Variants in AGPAT3 observed in about 807,000 individuals in gnomAD.
AGPAT3 encodes the protein 1-acylglycerol-3-phosphate O-acyltransferase 3.
In AGPAT3, 5 loss-of-function variants were observed where a neutral mutation model predicts 47.3. The ratio of observed to expected loss-of-function variants is 0.11; its 90% CI spans 0.06 to 0.22. The LOEUF (loss-of-function observed/expected upper bound fraction) is 0.22. Ranked by LOEUF, AGPAT3 falls within the 10% of genes least tolerant of loss-of-function variation. The pLI is 1.00. For synonymous variants in AGPAT3, 212 were observed against 208.3 expected, an observed-to-expected ratio of 1.02 and a Z score of -0.15; for missense variants, 315 against 493.0, an observed-to-expected ratio of 0.64 and a Z score of 3.42.
chr21:43,963,763 A>G lies in AGPAT3; in HGVS notation c.178+3904A>G, dbSNP rs79607206. ...AAGTCTTCGAATCCCCGGAGAGGAA[A>G]GCTGGAGAACCACGCTGGATGGTCA... On this transcript the variant is annotated intron_variant, in intron 3 of 9. Coordinates refer to ENST00000291572, the MANE Select transcript of AGPAT3 (RefSeq NM_020132.5). Among the ~76,000 whole-genome samples the G allele has an allele frequency of 5.5e-3, 838 of 151,792 alleles. 9 individuals are homozygous for G. Among genetic ancestry groups the G allele is most frequent in the African/African-American group, 0.019 (785 of 41,328 alleles).
chr21:43,949,314 A>G (rs1333059619), intron 2 of AGPAT3, among the ~76,000 whole-genome samples: 4 of 152,194 alleles, frequency 2.6e-5, no homozygotes, highest in Non-Finnish European at 2.9e-5. Context: ...GCTCAGCAAC[A>G]TGGTTCTTCT....
intron 1 of AGPAT3, among the ~76,000 whole-genome samples, chr21:43,881,657 T>G (rs994524392): frequency 1.1e-4 from 17 of 152,200 alleles, no homozygotes; most frequent in African/African-American, 3.9e-4. Context: ...ATAAAATGTA[T>G]TATTAATTTT....
chr21:43,893,115 T>C (rs2086136131), intron 1 of AGPAT3, among the ~76,000 whole-genome samples: 1 of 152,150 alleles, frequency 6.6e-6, no homozygotes, highest in African/African-American at 2.4e-5. Context: ...AGAAAATCTA[T>C]TGTTGAGTGT....
chr21:43,902,253 A>G (rs2086374243), intron 1 of AGPAT3, among the ~76,000 whole-genome samples: 1 of 152,246 alleles, frequency 6.6e-6, no homozygotes, highest in Admixed American at 6.5e-5. Flanking sequence ...CCTTTCAAAT[A>G]TCGAAAGACA....
At chr21:43,976,878 C>T (rs1207323318) in intron 7 of AGPAT3, among the ~76,000 whole-genome samples, 5 of 152,278 alleles carry the variant, frequency 3.3e-5, no homozygotes, top group Admixed American at 3.3e-4. Flanking sequence ...TCCCAGCTCC[C>T]GTACACACAG....
rs551140492 is a variant in AGPAT3 at position 43,954,037 on chromosome 21, A to G, written c.-48-5597A>G. Among the ~76,000 whole-genome samples, 108 of 152,334 alleles carry G rather than the reference A, an allele frequency of 7.1e-4. No individual in the cohort carries two copies. The highest frequency in any genetic ancestry group is 1.3e-3 in the Non-Finnish European group (90 of 68,030). ...TGAAAAATAAAAAATAAAAATGTAG[A>G]CGTCAACTTCACATTGTCTGGGGAT... On this transcript the variant is annotated intron_variant, in intron 2 of 9. Coordinates refer to ENST00000291572, the MANE Select transcript of AGPAT3 (RefSeq NM_020132.5). This position sits in a 1 kb window ranked among gnomAD's most constrained non-coding sequence, Gnocchi z 4.0.
chr21:43,982,527 A>G lies in AGPAT3; in HGVS notation c.*135A>G. On this transcript the variant is annotated 3_prime_UTR_variant, in exon 10 of 10. Coordinates refer to ENST00000291572, the MANE Select transcript of AGPAT3 (RefSeq NM_020132.5). This position sits in a 1 kb window ranked among gnomAD's most constrained non-coding sequence, Gnocchi z 6.2. ...TGGTGACTAATATTAACAAAACTTGAGCCAAGAGTAAAGAATTCAGAAGGC... is the reference window on the plus strand; with the variant it reads ...TGGTGACTAATATTAACAAAACTTGGGCCAAGAGTAAAGAATTCAGAAGGC... 1 of 633,008 alleles carries G rather than the reference A, an allele frequency of 1.6e-6. No homozygotes were observed. Among genetic ancestry groups the G allele is most frequent in the Non-Finnish European group, 2.7e-6 (1 of 375,466 alleles). 39.2% of individuals were successfully genotyped at this position (633,008 alleles called of 1,614,324 possible). A position where few individuals can be genotyped will look rare whatever the true frequency, so the allele number is the denominator to read the frequency against.
At chr21:43,916,925 G>A (rs1320320729) in intron 2 of AGPAT3, among the ~76,000 whole-genome samples, 1 of 152,110 alleles carries the variant, frequency 6.6e-6, no homozygotes, top group African/African-American at 2.4e-5. Context: ...TCTTGTTTGT[G>A]GCCGCCTCGT....
At chr21:43,938,746 C>T (rs1034870900) in intron 2 of AGPAT3, among the ~76,000 whole-genome samples, 6 of 152,188 alleles carry the variant, frequency 3.9e-5, no homozygotes, top group Non-Finnish European at 5.9e-5. Flanking sequence ...AACTTAGCAG[C>T]GAAAACAGCA....
chr21:43,938,102 TCTCACACACACACAGA>T (rs1569075689), intron 2 of AGPAT3, among the ~76,000 whole-genome samples: 1 of 142,464 alleles, frequency 7.0e-6, no homozygotes. Context: ...TCTCTCTCTC[TCTCACACACACACAGA>T]CACACACACA....
chr21:43,917,807 T>TGTGG (rs1212729214), intron 2 of AGPAT3, among the ~76,000 whole-genome samples: 2 of 100,104 alleles, frequency 2.0e-5, no homozygotes, highest in Admixed American at 1.0e-4. Context: ...TTGTGGGGGT[T>TGTGG]GTGTTGTGGG....
At chr21:43,892,763 CT>C (rs2086128261) in intron 1 of AGPAT3, among the ~76,000 whole-genome samples, 1 of 152,186 alleles carries the variant, frequency 6.6e-6, no homozygotes, top group Non-Finnish European at 1.5e-5. Context: ...TAGATGGCAT[CT>C]TTTTCCAATA....
intron 1 of AGPAT3, among the ~76,000 whole-genome samples, chr21:43,899,468 G>A (rs370030164): frequency 2.4e-4 from 36 of 152,184 alleles, no homozygotes; most frequent in Admixed American, 1.8e-3. Context: ...AGATCCGGCC[G>A]GGGATGTGCA....
At chr21:43,973,410 C>A (rs2089475924) in intron 7 of AGPAT3, among the ~76,000 whole-genome samples, 1 of 152,200 alleles carries the variant, frequency 6.6e-6, no homozygotes, top group South Asian at 2.1e-4. Flanking sequence ...ACGAGAGGAG[C>A]CCTTGAGGCA....
intron 3 of AGPAT3, among the ~76,000 whole-genome samples, chr21:43,964,300 G>A (rs544112912): frequency 1.6e-3 from 249 of 152,194 alleles, no homozygotes; most frequent in Non-Finnish European, 2.9e-3. Context: ...CAGGAGAATC[G>A]CTTGACCCTG....
intron 2 of AGPAT3, among the ~76,000 whole-genome samples, chr21:43,942,153 G>A (rs959336913): frequency 2.0e-5 from 3 of 152,262 alleles, no homozygotes; most frequent in Non-Finnish European, 4.4e-5. Flanking sequence ...CTTGCAGTAC[G>A]ACCTGGGAGC....
At chr21:43,972,904 C>G (rs959753844) in intron 7 of AGPAT3, among the ~76,000 whole-genome samples, 2 of 152,240 alleles carry the variant, frequency 1.3e-5, no homozygotes, top group Non-Finnish European at 2.9e-5. Flanking sequence ...CTGCACAGAG[C>G]GGTCACTATA....
chr21:43,896,533 C>T (rs1180072058), intron 1 of AGPAT3, among the ~76,000 whole-genome samples: 3 of 152,244 alleles, frequency 2.0e-5, no homozygotes, highest in African/African-American at 4.8e-5. Flanking sequence ...GGCTAGCTAC[C>T]TGCTTTTATA....
At chr21:43,956,382 G>A (rs1474937139) in intron 2 of AGPAT3, among the ~76,000 whole-genome samples, 2 of 152,162 alleles carry the variant, frequency 1.3e-5, no homozygotes, top group African/African-American at 4.8e-5. Flanking sequence ...TATGATGCAC[G>A]AAGCCTCTCT....
Sources: allele counts gnomAD v4.1 joint callset (sites outside exome capture counted in the v4.1 genomes callset), GRCh38; gene constraint gnomAD v4.1.1; non-coding constraint Gnocchi (gnomAD v3.1); transcripts MANE v1.5; gene names NCBI Gene and HGNC (gene_info 2026-07-23, HGNC 2026-07-21).